Variants in CLEC16A observed in about 807,000 individuals in gnomAD.
CLEC16A encodes the protein protein CLEC16A.
Under a neutral mutation model 109.5 loss-of-function variants are expected in CLEC16A, and 51 were observed. The ratio of observed to expected loss-of-function variants is 0.47; its 90% CI spans 0.37 to 0.59. CLEC16A has a LOEUF of 0.59. CLEC16A is among the 20% of genes least tolerant of loss of function. The probability of loss-of-function intolerance (pLI) is 0.00; values close to 1 mark genes in which losing one functional copy is unlikely to be tolerated. For missense variants in CLEC16A, 1,339 were observed against 1,394.0 expected (o/e 0.96, Z 0.63); for synonymous variants, 673 against 564.2 (o/e 1.19, Z -2.73).
At chr16:11,118,938 C>G (rs1052700992) in intron 19 of CLEC16A, among the ~76,000 whole-genome samples, 1 of 152,186 alleles carries the variant, frequency 6.6e-6, no homozygotes, top group Non-Finnish European at 1.5e-5. Flanking sequence ...TTGAAGATCA[C>G]TTGACTGTAA....
At chr16:11,071,648 G>T (rs1184881416) in intron 19 of CLEC16A, among the ~76,000 whole-genome samples, 1 of 149,746 alleles carries the variant, frequency 6.7e-6, no homozygotes, top group Non-Finnish European at 1.5e-5. Context: ...TGTTACCCAG[G>T]CTGGAGTGCA....
intron 11 of CLEC16A, among the ~76,000 whole-genome samples, chr16:11,015,468 T>C (rs2045689870): frequency 6.6e-6 from 1 of 152,132 alleles, no homozygotes; most frequent in South Asian, 2.1e-4. Context: ...TCAAGCAGTT[T>C]TGTGTGAAGC....
intron 3 of CLEC16A, among the ~76,000 whole-genome samples, chr16:10,964,723 C>A (rs536678516): frequency 2.6e-5 from 4 of 152,154 alleles, no homozygotes; most frequent in Non-Finnish European, 5.9e-5. Context: ...GAGTGTTTCT[C>A]TGAATTATGT....
chr16:10,977,020 C>A (rs969163100), intron 7 of CLEC16A, among the ~76,000 whole-genome samples: 4 of 152,220 alleles, frequency 2.6e-5, no homozygotes, highest in African/African-American at 9.6e-5. Context: ...TTCTGGGAGA[C>A]CCCAGCAGTC....
chr16:11,171,552 C>T (rs2068514159), intron 23 of CLEC16A, among the ~76,000 whole-genome samples: 2 of 152,236 alleles, frequency 1.3e-5, no homozygotes, highest in South Asian at 2.1e-4. Flanking sequence ...GCAGAGCTAT[C>T]CTGGCAGGCC....
At position 10,957,816 on chromosome 16, in the gene CLEC16A, G is replaced by C; in HGVS notation, c.115G>C (p.Val39Leu). 6.2e-7 allele frequency: 1 copy of C among 1,613,784 alleles called. No homozygotes were observed. Among genetic ancestry groups the C allele is most frequent in the Non-Finnish European group, 8.5e-7 (1 of 1,179,720 alleles). Residue 39 changes from valine to leucine, a missense_variant, in exon 2 of 24, where the codon GTC becomes CTC. Physicochemically the swap from Val to Leu is conservative, Grantham distance 32. Around this residue, in one of 3 missense-constraint regions of CLEC16A, gnomAD observed 117 missense variants for 120.2 expected, o/e 0.97. Transcript: ENST00000409790. ...CCACGTTTTGACCAAAAACACCACAGTCACAGAACAGAACCGGAACCTGCT... is the reference window on the plus strand; with the variant it reads ...CCACGTTTTGACCAAAAACACCACACTCACAGAACAGAACCGGAACCTGCT... ...LYHVLTKNTTVTEQNRNLLVE... is the reference protein window; with the variant it reads ...LYHVLTKNTTLTEQNRNLLVE...
chr16:10,967,223 C>A (rs371544978), intron 3 of CLEC16A, among the ~76,000 whole-genome samples: 2 of 152,184 alleles, frequency 1.3e-5, no homozygotes, highest in African/African-American at 2.4e-5. Context: ...GCTTCCATCA[C>A]GATCCCGGGC....
rs2047950568 is a variant in CLEC16A at position 11,051,703 on chromosome 16, A to G, written c.1995+62A>G. 23 of 1,584,974 alleles carry G rather than the reference A, an allele frequency of 1.5e-5. No homozygotes were observed. The South Asian group carries it at 2.6e-4, about 18-fold the overall frequency. The stretch of plus-strand genomic sequence containing the variant: ...TGTTCTCCAGAACCACTCCCAGACC[A>G]GGGAGGAAAGGGCTTCTTTGTCAAA... On this transcript the variant is annotated intron_variant, in intron 18 of 23. Transcript: ENST00000409790.
At chr16:11,142,893 C>G (rs914970709) in intron 22 of CLEC16A, among the ~76,000 whole-genome samples, 2 of 152,210 alleles carry the variant, frequency 1.3e-5, no homozygotes, top group Admixed American at 1.3e-4. Context: ...TCACTGCAAC[C>G]TCCGCCCCCC....
rs2049406829 is a variant in CLEC16A, at chr16:11,076,900, C to T, written c.2116+15878C>T. Reference sequence around the variant, plus strand: ...GAATCGAAGAATGGAGCAGCACTTCCTCCCACCCTCTTGTAGGAGGGAGAT... The same window carrying T: ...GAATCGAAGAATGGAGCAGCACTTCTTCCCACCCTCTTGTAGGAGGGAGAT... On this transcript the variant is annotated intron_variant, in intron 19 of 23. Transcript: ENST00000409790. 2.0e-5 allele frequency among the ~76,000 whole-genome samples: 3 copies of T among 152,322 alleles called. No individual in the cohort carries two copies. In the South Asian group the frequency reaches 6.2e-4, roughly 32 times the overall value.
Position 10,992,050 on chromosome 16 carries a change from G to C in CLEC16A, c.1071+9059G>C, listed in dbSNP as rs116532155. Among the ~76,000 whole-genome samples, 353 of 152,320 alleles carry C rather than the reference G, an allele frequency of 2.3e-3. 4 individuals are homozygous for C. Among genetic ancestry groups the C allele is most frequent in the African/African-American group, 8.0e-3 (332 of 41,572 alleles). On this transcript the variant is annotated intron_variant, in intron 10 of 23. Coordinates refer to ENST00000409790, the MANE Select transcript of CLEC16A (RefSeq NM_015226.3). ...GCTGGCCTGAAATTGATTGCCTGCTGACCACTTGCTGGGTTGCTTATAACC... is the reference window on the plus strand; with the variant it reads ...GCTGGCCTGAAATTGATTGCCTGCTCACCACTTGCTGGGTTGCTTATAACC...
At position 11,178,473 on chromosome 16, in the gene CLEC16A, G is replaced by A. The variant is rs72650689; in HGVS notation, c.2945G>A (p.Ser982Asn). 9,428 of 1,613,694 alleles carry A rather than the reference G, an allele frequency of 5.8e-3. 44 individuals are homozygous for A. The highest frequency in any genetic ancestry group is 0.012 in the Middle Eastern group (75 of 6,062). Residue 982 changes from serine to asparagine, a missense_variant, in exon 24 of 24, where the codon AGC becomes AAC. Ser to Asn is a conservative substitution (Grantham distance 46, BLOSUM62 1). Transcript: ENST00000409790. The surrounding 1 kb of genome is among the most constrained non-coding windows in gnomAD (Gnocchi z 6.5). ...AAVETASLSPSLVPARQPTIS... is the reference protein window; with the variant it reads ...AAVETASLSPNLVPARQPTIS... ...GTGGAGACAGCCAGCCTGTCCCCCA[G>A]CCTCGTCCCTGCCCGGCAGCCCACC...
At chr16:11,022,965 G>C (rs959251415) in intron 12 of CLEC16A, among the ~76,000 whole-genome samples, 2 of 147,350 alleles carry the variant, frequency 1.4e-5, no homozygotes, top group Admixed American at 1.4e-4. Flanking sequence ...TCGAAACATC[G>C]TTTCTTTTCT....
intron 23 of CLEC16A, among the ~76,000 whole-genome samples, chr16:11,167,442 A>C (rs911729311): frequency 1.2e-4 from 18 of 152,044 alleles, no homozygotes; most frequent in African/African-American, 4.4e-4. Flanking sequence ...CCCACCTCTC[A>C]TTGAGTTCTG....
In CLEC16A at chr16:10,949,420, CGTT is replaced by C. The variant is rs1488206953; in HGVS notation, c.80+4627_80+4629del. Among the ~76,000 whole-genome samples the C allele has an allele frequency of 2.0e-5, 3 of 151,974 alleles. No homozygotes were observed. In the East Asian group the frequency reaches 5.8e-4, roughly 29 times the overall value. The stretch of plus-strand genomic sequence containing the variant: ...TTAAATGGAGACCAACGGGGTGAGT[CGTT>C]GTTACCAGGCAGCGGGGTGTCAGGT... On this transcript the variant is annotated intron_variant, in intron 1 of 23. Coordinates refer to ENST00000409790, the MANE Select transcript of CLEC16A (RefSeq NM_015226.3).
chr16:11,112,135 G>T (rs1365022920), intron 19 of CLEC16A, among the ~76,000 whole-genome samples: 1 of 152,230 alleles, frequency 6.6e-6, no homozygotes, highest in Non-Finnish European at 1.5e-5. Flanking sequence ...AATGTAGGCA[G>T]TGTGGGTGGC....
intron 10 of CLEC16A, among the ~76,000 whole-genome samples, chr16:10,987,714 C>G (rs751720024): frequency 6.6e-6 from 1 of 152,208 alleles, no homozygotes; most frequent in African/African-American, 2.4e-5. Context: ...GATAATAGTC[C>G]TGGTACGATT....
rs75324492 is a variant in CLEC16A at position 11,067,419 on chromosome 16, G to C, written c.2116+6397G>C. On this transcript the variant is annotated intron_variant, in intron 19 of 23. Coordinates refer to ENST00000409790, the MANE Select transcript of CLEC16A (RefSeq NM_015226.3). The stretch of plus-strand genomic sequence containing the variant: ...AGGGGCCCATTTGAGGGCTGCAGGG[G>C]GGGTGTGGGTGCCGAGAAGTGGCGC... Among the ~76,000 whole-genome samples, 739 of 152,140 alleles carry C rather than the reference G, an allele frequency of 4.9e-3. 8 individuals are homozygous for C. Among genetic ancestry groups the C allele is most frequent in the Non-Finnish European group, 8.2e-3 (561 of 68,002 alleles).
chr16:11,042,291 C>A lies in CLEC16A; in HGVS notation c.1698C>A (p.Cys566Ter). 1 of 1,590,670 alleles carries A rather than the reference C, an allele frequency of 6.3e-7. No homozygotes were observed. Reference sequence around the variant, plus strand: ...GGCTGGCGACGCTGGAGCTGAGCTGCCTGCTTCTGAAGCAGCAAGTCCTGA... The same window carrying A: ...GGCTGGCGACGCTGGAGCTGAGCTGACTGCTTCTGAAGCAGCAAGTCCTGA... ...KIRLATLELS[C>*]LLLKQQVLMS... The change falls in exon 15 of 24, where the codon TGC becomes TGA. Residue 566 changes from cysteine to a stop codon, truncating the protein, a stop_gained. Transcript: ENST00000409790. LOFTEE classifies it high-confidence loss of function.
Sources: gnomAD v4.1 joint callset for allele counts (sites outside exome capture counted in the v4.1 genomes callset) on GRCh38, gnomAD v4.1.1 for gene constraint, gnomAD v4.1.1 regional missense constraint, Gnocchi (gnomAD v3.1) non-coding constraint, MANE v1.5 for transcripts, NCBI Gene and HGNC (gene_info 2026-07-23, HGNC 2026-07-21) for gene names.